The following INTS8 variants were observed in gnomAD, a reference collection of about 807,000 sequenced individuals.
INTS8 encodes the protein protein kaonashi-1.
INTS8 carries 47 observed loss-of-function variants against 138.9 expected under a neutral mutation model. That is an observed-to-expected ratio of 0.34 (90% CI 0.27 to 0.43). INTS8 has a LOEUF of 0.43. Ranked by LOEUF, INTS8 falls within the 20% of genes least tolerant of loss-of-function variation. INTS8 has a pLI of 1.00. For missense variants in INTS8, 996 were observed against 1,173.0 expected, an observed-to-expected ratio of 0.85 and a Z score of 2.20; for synonymous variants, 392 against 400.9, an observed-to-expected ratio of 0.98 and a Z score of 0.27.
Position 94,880,883 on chromosome 8 carries a change from A to G in INTS8, c.*649A>G, listed in dbSNP as rs1052214175. On this transcript the variant is annotated 3_prime_UTR_variant, in exon 27 of 27. Coordinates refer to ENST00000523731, the MANE Select transcript of INTS8 (RefSeq NM_017864.4). ...GTGATATACAAAAAGGTTATTACCA[A>G]GCAACCTACATGTCAAGAAAGCCCC... is the stretch of plus-strand genomic sequence containing the variant. The G allele has an allele frequency of 5.0e-6, 2 of 398,698 alleles. No individual in the cohort carries two copies. The highest frequency in any genetic ancestry group is 3.6e-5 in the East Asian group (1 of 28,018). 24.7% of individuals were successfully genotyped at this position (398,698 alleles called of 1,614,324 possible). A position where few individuals can be genotyped will look rare whatever the true frequency, so the allele number is the denominator to read the frequency against.
Position 94,823,383 on chromosome 8 carries a change from C to T in INTS8, c.-49C>T. On this transcript the variant is annotated 5_prime_UTR_variant, in exon 1 of 27. Transcript: ENST00000523731. Reference sequence around the variant, plus strand: ...CAGGCACCGGCCCGCATCCAAGTGTCAGGTTGGAGCCGGGAAGCGGCCCTG... The same window carrying T: ...CAGGCACCGGCCCGCATCCAAGTGTTAGGTTGGAGCCGGGAAGCGGCCCTG... 1 of 1,504,728 alleles carries T rather than the reference C, an allele frequency of 6.6e-7. No individual in the cohort carries two copies. The highest frequency in any genetic ancestry group is 8.9e-7 in the Non-Finnish European group (1 of 1,129,574). 93.2% of individuals were successfully genotyped at this position (1,504,728 alleles called of 1,614,324 possible). A position where few individuals can be genotyped will look rare whatever the true frequency, so the allele number is the denominator to read the frequency against.
intron 4 of INTS8, among the ~76,000 whole-genome samples, chr8:94,828,094 C>T (rs1480248245): frequency 1.3e-5 from 2 of 150,224 alleles, no homozygotes; most frequent in South Asian, 2.1e-4. Flanking sequence ...GGCTGGAATG[C>T]AGTGGTGTGA....
intron 16 of INTS8, 97 bp downstream of exon 16, chr8:94,859,729 T>A: frequency 1.1e-6 from 1 of 946,894 alleles, no homozygotes; most frequent in Admixed American, 2.4e-5. Context: ...ATTTCTGTGA[T>A]ACAAATGATT....
At chr8:94,837,945 A>G (rs1814990515) in intron 7 of INTS8, among the ~76,000 whole-genome samples, 1 of 152,124 alleles carries the variant, frequency 6.6e-6, no homozygotes, top group Non-Finnish European at 1.5e-5. Flanking sequence ...AAAACAGACC[A>G]TAGGCTGGAT....
chr8:94,872,072 A>AC (rs1283316952), intron 21 of INTS8, 70 bp downstream of exon 21: 2 of 725,834 alleles, frequency 2.8e-6, no homozygotes, highest in African/African-American at 3.6e-5. Context: ...TAAATATATA[A>AC]CCTATTTTAT....
chr8:94,878,966 G>C (rs1189808011), intron 26 of INTS8, among the ~76,000 whole-genome samples: 2 of 152,030 alleles, frequency 1.3e-5, no homozygotes, highest in Non-Finnish European at 1.5e-5. Flanking sequence ...GTTAGTCCTT[G>C]GGTTACTTTT....
intron 3 of INTS8, 100 bp from the exon 4 acceptor site, chr8:94,827,622 A>G: frequency 9.1e-7 from 1 of 1,097,396 alleles, no homozygotes; most frequent in Non-Finnish European, 1.4e-6. Context: ...GTGTCAATTA[A>G]TGCTTCATAT....
rs539099077 is a variant in INTS8, at chr8:94,880,730, C to G, written c.*496C>G. On this transcript the variant is annotated 3_prime_UTR_variant, in exon 27 of 27. Transcript: ENST00000523731. ...AATTTAGAAAGGACCTTAACAGTTTCACAAACATAAATAAAGCCTTAGTCA... is the reference window on the plus strand; with the variant it reads ...AATTTAGAAAGGACCTTAACAGTTTGACAAACATAAATAAAGCCTTAGTCA... 9 of 396,048 alleles carry G rather than the reference C, an allele frequency of 2.3e-5. No individual in the cohort carries two copies. Among genetic ancestry groups the G allele is most frequent in the Non-Finnish European group, 4.0e-5 (9 of 224,998 alleles). The allele number at this position is 396,048 out of a possible 1,614,324, so 24.5% of individuals were successfully genotyped here.
In INTS8 at chr8:94,881,276, T is replaced by C. The variant is rs1040044800; in HGVS notation, c.*1042T>C. 1.4e-5 allele frequency: 5 copies of C among 359,098 alleles called. No individual in the cohort carries two copies. Among genetic ancestry groups the C allele is most frequent in the African/African-American group, 2.1e-5 (1 of 47,938 alleles). 22.2% of individuals were successfully genotyped at this position (359,098 alleles called of 1,614,324 possible). A position where few individuals can be genotyped will look rare whatever the true frequency, so the allele number is the denominator to read the frequency against. On this transcript the variant is annotated 3_prime_UTR_variant, in exon 27 of 27. Transcript: ENST00000523731. ...AGTATACCCTTTAAGGTAGCACTTATCCAGTCCAAAACTCCAGTGACAAAA... is the reference window on the plus strand; with the variant it reads ...AGTATACCCTTTAAGGTAGCACTTACCCAGTCCAAAACTCCAGTGACAAAA...
At chr8:94,825,446 A>C (rs1283945284) in intron 2 of INTS8, among the ~76,000 whole-genome samples, 2 of 151,532 alleles carry the variant, frequency 1.3e-5, no homozygotes, top group Non-Finnish European at 2.9e-5. Flanking sequence ...AAAAAATAAT[A>C]AAATAAATAT....
intron 6 of INTS8, among the ~76,000 whole-genome samples, chr8:94,834,703 C>CA (rs1180267625): frequency 0.019 from 1,593 of 84,930 alleles, 21 homozygotes; most frequent in African/African-American, 0.056. Flanking sequence ...AACTCCATCT[C>CA]AAAAAAAAAA....
Position 94,823,421 on chromosome 8 carries a change from G to T in INTS8, c.-11G>T, listed in dbSNP as rs746085669. 1 of 1,517,882 alleles carries T rather than the reference G, an allele frequency of 6.6e-7. No homozygotes were observed. The highest frequency in any genetic ancestry group is 8.8e-7 in the Non-Finnish European group (1 of 1,134,990). 94.0% of individuals were successfully genotyped at this position (1,517,882 alleles called of 1,614,324 possible). A position where few individuals can be genotyped will look rare whatever the true frequency, so the allele number is the denominator to read the frequency against. On this transcript the variant is annotated 5_prime_UTR_variant, in exon 1 of 27. Coordinates refer to ENST00000523731, the MANE Select transcript of INTS8 (RefSeq NM_017864.4). ...GGAAGCGGCCCTGGTGGTAGCGGCGGCGGGGGCAGGATGAGCGCGGAGGCG... is the reference window on the plus strand; with the variant it reads ...GGAAGCGGCCCTGGTGGTAGCGGCGTCGGGGGCAGGATGAGCGCGGAGGCG...
At chr8:94,875,604 T>TA (rs1816540785) in intron 23 of INTS8, among the ~76,000 whole-genome samples, 1 of 152,156 alleles carries the variant, frequency 6.6e-6, no homozygotes, top group South Asian at 2.1e-4. Context: ...TTTAAGAGGG[T>TA]AACTTTTATG....
In INTS8 at chr8:94,829,539, G is replaced by A. The variant is rs111697716; in HGVS notation, c.570+513G>A. Among the ~76,000 whole-genome samples the A allele has an allele frequency of 3.0e-3, 451 of 152,276 alleles. 6 individuals carry two copies. Among genetic ancestry groups the A allele is most frequent in the African/African-American group, 0.01 (426 of 41,552 alleles). On this transcript the variant is annotated intron_variant, in intron 5 of 26. Coordinates refer to ENST00000523731, the MANE Select transcript of INTS8 (RefSeq NM_017864.4). The stretch of plus-strand genomic sequence containing the variant: ...ATGAAGCTTCTTTTGCTCACCCGCT[G>A]CTCACTTCCTGCTGTGCAGCCTGGT...
intron 8 of INTS8, among the ~76,000 whole-genome samples, chr8:94,840,642 C>T (rs1017120803): frequency 4.7e-5 from 7 of 149,068 alleles, no homozygotes; most frequent in African/African-American, 1.7e-4. Context: ...ACTGCAACCT[C>T]TGCTGCCCGG....
intron 10 of INTS8, 60 bp downstream of exon 10, chr8:94,842,548 CTCT>C: frequency 1.5e-6 from 2 of 1,334,060 alleles, no homozygotes; most frequent in Non-Finnish European, 2.1e-6. Flanking sequence ...TACCAGTGAC[CTCT>C]TAATTGCCAA....
chr8:94,850,423 T>C (rs1162125757), intron 12 of INTS8, among the ~76,000 whole-genome samples: 3 of 152,014 alleles, frequency 2.0e-5, no homozygotes, highest in Non-Finnish European at 4.4e-5. Context: ...CCATCCTGGC[T>C]AACACGGTGA....
Position 94,880,938 on chromosome 8 carries a change from G to C in INTS8, c.*704G>C, listed in dbSNP as rs567284447. 3.0e-5 allele frequency: 12 copies of C among 398,594 alleles called. No individual in the cohort carries two copies. The highest frequency in any genetic ancestry group is 4.1e-5 in the African/African-American group (2 of 48,602). 24.7% of individuals were successfully genotyped at this position (398,594 alleles called of 1,614,324 possible). On this transcript the variant is annotated 3_prime_UTR_variant, in exon 27 of 27. Coordinates refer to ENST00000523731, the MANE Select transcript of INTS8 (RefSeq NM_017864.4). The stretch of plus-strand genomic sequence containing the variant: ...AGGAAGGAGCCACAGCATTTATCTT[G>C]TTTATAATTTCTTTGGTACTCCCAC...
At chr8:94,831,848 T>C (rs1814729059) in intron 5 of INTS8, 144 bp from the exon 6 acceptor site, 1 of 535,112 alleles carries the variant, frequency 1.9e-6, no homozygotes, top group African/African-American at 2.0e-5. Context: ...TAACTTTATT[T>C]CAACAAATGT....
Sources: allele counts gnomAD v4.1 joint callset (sites outside exome capture counted in the v4.1 genomes callset), GRCh38; gene constraint gnomAD v4.1.1; transcripts MANE v1.5; gene names NCBI Gene and HGNC (gene_info 2026-07-23, HGNC 2026-07-21).